LRRIQ1: variants seen among roughly 807,000 people sequenced by gnomAD.
LRRIQ1 encodes the protein leucine-rich repeat- and IQ domain-containing protein 1.
Under a neutral mutation model 211.9 loss-of-function variants are expected in LRRIQ1, and 210 were observed. The ratio of observed to expected loss-of-function variants is 0.99; its 90% CI spans 0.89 to 1.11. The LOEUF (loss-of-function observed/expected upper bound fraction) is 1.11, where lower values mean the gene tolerates loss of function less well. Ranked by LOEUF, LRRIQ1 falls within the 50% of genes most tolerant of loss-of-function variation. LRRIQ1 has a pLI of 0.00. For synonymous variants in LRRIQ1, 699 were observed against 650.1 expected (o/e 1.08, Z -1.14); for missense variants, 2,136 against 1,939.5 (o/e 1.10, Z -1.90).
chr12:85,258,842 A>G (rs946667771), intron 1 of LRRIQ1, among the ~76,000 whole-genome samples: 2 of 152,062 alleles, frequency 1.3e-5, no homozygotes, highest in East Asian at 1.9e-4. Flanking sequence ...TGAAAATTCA[A>G]TGACATATTA....
At chr12:85,074,335 A>G (rs772703239) in intron 11 of LRRIQ1, among the ~76,000 whole-genome samples, 19 of 151,904 alleles carry the variant, frequency 1.3e-4, no homozygotes, top group Non-Finnish European at 2.4e-4. Context: ...TGGTAGGTGT[A>G]TATATTTATG....
At position 85,065,349 on chromosome 12, in the gene LRRIQ1, C is replaced by A. The variant is rs758047410; in HGVS notation, c.2479C>A (p.Arg827Ser). The change falls in exon 9 of 27, where the codon CGC (arginine) becomes AGC (serine). Residue 827 changes from arginine (R) to serine (S), a missense_variant. By Grantham distance (110) the Arg-to-Ser change is moderately radical (BLOSUM62 -1). Transcript: ENST00000393217. ...AAATCTTCAGTTTCTATCCCTTCGACGCTGTGGATTAACTTCTTTGCACAG... is the reference window on the plus strand; with the variant it reads ...AAATCTTCAGTTTCTATCCCTTCGAAGCTGTGGATTAACTTCTTTGCACAG... ...CTNLQFLSLR[R>S]CGLTSLHSLS... The A allele has an allele frequency of 6.2e-7, 1 of 1,610,892 alleles. No individual in the cohort carries two copies. Among genetic ancestry groups the A allele is most frequent in the Non-Finnish European group, 8.5e-7 (1 of 1,177,898 alleles).
intron 24 of LRRIQ1, among the ~76,000 whole-genome samples, chr12:85,221,136 A>G (rs1894383880): frequency 6.6e-6 from 1 of 151,986 alleles, no homozygotes; most frequent in Non-Finnish European, 1.5e-5. Flanking sequence ...ATTCCATACC[A>G]TTAGTTGTTA....
chr12:85,227,811 T>C (rs570839217), intron 24 of LRRIQ1, among the ~76,000 whole-genome samples: 20 of 152,254 alleles, frequency 1.3e-4, no homozygotes, highest in Non-Finnish European at 1.9e-4. Context: ...ATGGTACTGG[T>C]ACCAAAACAG....
Position 85,217,466 on chromosome 12 carries a change from G to GTATA in LRRIQ1, c.4823-12029_4823-12026dup, listed in dbSNP as rs1176544778. 2.7e-3 allele frequency among the ~76,000 whole-genome samples: 184 copies of GTATA among 66,946 alleles called. 3 individuals carry two copies. The highest frequency in any genetic ancestry group is 0.023 in the East Asian group (53 of 2,286). 43.9% of individuals were successfully genotyped at this position (66,946 alleles called of 152,430 possible). On this transcript the variant is annotated intron_variant, in intron 24 of 26. Transcript: ENST00000393217. ...CCTTTAGATAGAGCAGGGACCTGAA[G>GTATA]TATATATATATATATATATATATAT...
chr12:85,166,344 T>C (rs910528603), intron 24 of LRRIQ1, among the ~76,000 whole-genome samples: 5 of 152,186 alleles, frequency 3.3e-5, no homozygotes, highest in African/African-American at 1.2e-4. Flanking sequence ...TAATTCCCAG[T>C]CTGCTGCTGT....
chr12:85,212,272 G>A (rs1249998634), intron 24 of LRRIQ1, among the ~76,000 whole-genome samples: 1 of 151,718 alleles, frequency 6.6e-6, no homozygotes, highest in Non-Finnish European at 1.5e-5. Flanking sequence ...GGGCAACCAA[G>A]GTAAGACCCT....
chr12:85,143,842 T>C lies in LRRIQ1; in HGVS notation c.4329+5873T>C, dbSNP rs1379346252. On this transcript the variant is annotated intron_variant, in intron 19 of 26. Coordinates refer to ENST00000393217, the MANE Select transcript of LRRIQ1 (RefSeq NM_001079910.2). ...TGCAGATATCTTTCTATCAGGTGTT[T>C]ATGTTTTGTTTTTTAGTCAGCTTAA... Among the ~76,000 whole-genome samples the C allele has an allele frequency of 2.6e-5, 4 of 151,740 alleles. No individual in the cohort carries two copies. In the East Asian group the frequency reaches 5.8e-4, roughly 22 times the overall value.
chr12:85,088,509 A>G (rs1027033875), intron 11 of LRRIQ1, among the ~76,000 whole-genome samples: 7 of 152,122 alleles, frequency 4.6e-5, no homozygotes, highest in Non-Finnish European at 8.8e-5. Context: ...TGATGGGGAT[A>G]GCATTGAATC....
intron 24 of LRRIQ1, among the ~76,000 whole-genome samples, chr12:85,186,985 C>A (rs1892256938): frequency 3.9e-5 from 6 of 152,026 alleles, no homozygotes; most frequent in Admixed American, 3.9e-4. Context: ...TAGTTCTGAA[C>A]CTCCGTAAAG....
At chr12:85,214,048 T>G (rs1258348022) in intron 24 of LRRIQ1, among the ~76,000 whole-genome samples, 1 of 151,926 alleles carries the variant, frequency 6.6e-6, no homozygotes, top group Admixed American at 6.6e-5. Flanking sequence ...TTTAAAAACC[T>G]AGAAAAATAT....
In LRRIQ1 at chr12:85,160,676, CA is replaced by C; in HGVS notation, c.4787del (p.Lys1596ArgfsTer14). 2 of 1,610,128 alleles carry C rather than the reference CA, an allele frequency of 1.2e-6. No homozygotes were observed. Among genetic ancestry groups the C allele is most frequent in the Non-Finnish European group, 8.5e-7 (1 of 1,177,294 alleles). ...AATAAAGTGTCTCTTCCAAAATCAC[CA>C]AAGATGGTACAGCCCAGAAGAGATG... ...NENKVSLPKS[P>X]KMVQPRRDGY... On this transcript the variant is annotated frameshift_variant, in exon 24 of 27. Transcript: ENST00000393217. LOFTEE classifies it high-confidence loss of function.
At chr12:85,079,670 A>G (rs1367227313) in intron 11 of LRRIQ1, among the ~76,000 whole-genome samples, 2 of 152,186 alleles carry the variant, frequency 1.3e-5, no homozygotes, top group Non-Finnish European at 2.9e-5. Flanking sequence ...ATTAGTCCTT[A>G]GCAATTAATT....
At chr12:85,211,865 A>T (rs1893853335) in intron 24 of LRRIQ1, among the ~76,000 whole-genome samples, 1 of 152,142 alleles carries the variant, frequency 6.6e-6, no homozygotes, top group Non-Finnish European at 1.5e-5. Context: ...CTGGAAACCA[A>T]CTCTGTTTAT....
At chr12:85,251,851 A>T (rs985383590) in intron 1 of LRRIQ1, among the ~76,000 whole-genome samples, 2 of 151,806 alleles carry the variant, frequency 1.3e-5, no homozygotes, top group African/African-American at 4.8e-5. Context: ...TGCAACTAGA[A>T]CAATACAACT....
intron 11 of LRRIQ1, among the ~76,000 whole-genome samples, chr12:85,074,476 T>A (rs1350208270): frequency 6.6e-6 from 1 of 152,108 alleles, no homozygotes; most frequent in Non-Finnish European, 1.5e-5. Flanking sequence ...TATATTAAAA[T>A]GTAAAATTAA....
chr12:85,110,463 T>C (rs1227602753), intron 15 of LRRIQ1, among the ~76,000 whole-genome samples: 1 of 152,122 alleles, frequency 6.6e-6, no homozygotes. Context: ...GCTAAATAAC[T>C]TGACCAAGGT....
intron 8 of LRRIQ1, among the ~76,000 whole-genome samples, 181 bp from the exon 9 acceptor site, chr12:85,065,081 G>A (rs1020913487): frequency 6.6e-6 from 1 of 151,784 alleles, no homozygotes; most frequent in African/African-American, 2.4e-5. Flanking sequence ...TTTTGTCCTT[G>A]TATGTGGGGA....
At chr12:85,073,504 G>A (rs1321664105) in intron 11 of LRRIQ1, among the ~76,000 whole-genome samples, 1 of 151,990 alleles carries the variant, frequency 6.6e-6, no homozygotes, top group East Asian at 1.9e-4. Flanking sequence ...AAAAAGAAAA[G>A]AAAGGCTGTT....
Sources: gnomAD v4.1 joint callset for allele counts (sites outside exome capture counted in the v4.1 genomes callset) on GRCh38, gnomAD v4.1.1 for gene constraint, MANE v1.5 for transcripts, NCBI Gene and HGNC (gene_info 2026-07-23, HGNC 2026-07-21) for gene names.